The following LRP1B variants were observed in gnomAD, a reference collection of about 807,000 sequenced individuals.
LRP1B encodes the protein LDL receptor related protein 1B.
LRP1B carries 217 observed loss-of-function variants against 556.6 expected under a neutral mutation model. That is an observed-to-expected ratio of 0.39 (90% confidence interval 0.35 to 0.44). The LOEUF (loss-of-function observed/expected upper bound fraction) is 0.44. Among genes scored for constraint, LRP1B ranks in the 20% least tolerant of loss-of-function variants. LRP1B has a pLI of 1.00. For synonymous variants in LRP1B, 2,047 were observed against 1,865.8 expected (o/e 1.10, Z -2.50); for missense variants, 5,053 against 5,620.8 (o/e 0.90, Z 3.23).
chr2:140,375,972 TGA>T (rs2105178219), intron 68 of LRP1B, among the ~76,000 whole-genome samples: 1 of 152,204 alleles, frequency 6.6e-6, no homozygotes, highest in African/African-American at 2.4e-5. Context: ...ATTCTTAATG[TGA>T]GAGTATTCTG....
At chr2:140,733,685 GA>G (rs1169169179) in intron 35 of LRP1B, among the ~76,000 whole-genome samples, 1 of 152,140 alleles carries the variant, frequency 6.6e-6, no homozygotes, top group Admixed American at 6.6e-5. Context: ...TGATAAAAAT[GA>G]GATTAGTGAT....
At chr2:141,390,963 A>G (rs1690028669) in intron 3 of LRP1B, among the ~76,000 whole-genome samples, 1 of 152,208 alleles carries the variant, frequency 6.6e-6, no homozygotes. Flanking sequence ...AGCAGAATAG[A>G]GCAAATCATA....
intron 1 of LRP1B, among the ~76,000 whole-genome samples, chr2:142,016,507 G>GTACT (rs1703134749): frequency 6.6e-6 from 1 of 152,098 alleles, no homozygotes; most frequent in Non-Finnish European, 1.5e-5. Flanking sequence ...CATAAAAAAG[G>GTACT]ATGAGTTCAT....
intron 7 of LRP1B, among the ~76,000 whole-genome samples, chr2:141,140,350 A>G (rs1487338104): frequency 6.6e-6 from 1 of 152,148 alleles, no homozygotes; most frequent in Non-Finnish European, 1.5e-5. Context: ...AAATCAGAAT[A>G]AAAGAAATCT....
At position 141,518,990 on chromosome 2, in the gene LRP1B, G is replaced by A. The variant is rs180734375; in HGVS notation, c.206-38457C>T. Among the ~76,000 whole-genome samples the A allele has an allele frequency of 1.9e-3, 284 of 150,916 alleles. 3 individuals carry two copies. The highest frequency in any genetic ancestry group is 6.7e-3 in the African/African-American group (276 of 41,078). On this transcript the variant is annotated intron_variant, in intron 2 of 90. Coordinates refer to ENST00000389484, the MANE Select transcript of LRP1B (RefSeq NM_018557.3). Reference sequence around the variant, plus strand: ...AAAATAGGAGAGAGAAAGAGGATGTGGGGAGAGAGAGACATTTCCATTGCA... The same window carrying A: ...AAAATAGGAGAGAGAAAGAGGATGTAGGGAGAGAGAGACATTTCCATTGCA...
intron 1 of LRP1B, among the ~76,000 whole-genome samples, chr2:141,921,252 C>A (rs578247138): frequency 2.0e-5 from 3 of 151,972 alleles, no homozygotes; most frequent in Non-Finnish European, 4.4e-5. Flanking sequence ...GAGTAATTCA[C>A]ACTTGTCTTG....
chr2:141,024,474 C>T (rs577456286), intron 11 of LRP1B, among the ~76,000 whole-genome samples: 21 of 152,112 alleles, frequency 1.4e-4, no homozygotes, highest in African/African-American at 4.8e-4. Context: ...AACTGTCACT[C>T]TCAATGGGTC....
At position 141,502,865 on chromosome 2, in the gene LRP1B, A is replaced by AT. The variant is rs965437273; in HGVS notation, c.206-22333_206-22332insA. On this transcript the variant is annotated intron_variant, in intron 2 of 90. Transcript: ENST00000389484. ...AGAGGGAGACCCCGTCTCAAAAAAT[A>AT]AAAAATAAATAAAAATAAAAATTAA... 4.6e-5 allele frequency among the ~76,000 whole-genome samples: 6 copies of AT among 130,430 alleles called. 1 individual carries two copies. The highest frequency in any genetic ancestry group is 3.7e-4 in the Admixed American group (5 of 13,556). The allele number at this position is 130,430 out of a possible 152,430, so 85.6% of individuals were successfully genotyped here.
At chr2:140,507,026 C>G (rs1476892343) in intron 52 of LRP1B, 108 bp from the exon 53 acceptor site, 1 of 1,203,888 alleles carries the variant, frequency 8.3e-7, no homozygotes, top group Non-Finnish European at 1.1e-6. Flanking sequence ...TTCATAGTTA[C>G]TGAGAAAAAG....
intron 46 of LRP1B, among the ~76,000 whole-genome samples, chr2:140,535,007 T>C (rs1690886497): frequency 6.6e-6 from 1 of 152,180 alleles, no homozygotes; most frequent in Admixed American, 6.6e-5. Flanking sequence ...ACACCTGGCA[T>C]TGGCAAACTA....
At chr2:140,556,735 T>A (rs77113804) in intron 43 of LRP1B, among the ~76,000 whole-genome samples, 18 of 149,630 alleles carry the variant, frequency 1.2e-4, no homozygotes, top group East Asian at 7.9e-4. Flanking sequence ...CAAACAAATT[T>A]AAAAAAAAAA....
chr2:141,316,327 G>A (rs1356338495), intron 3 of LRP1B, among the ~76,000 whole-genome samples: 1 of 152,156 alleles, frequency 6.6e-6, no homozygotes, highest in African/African-American at 2.4e-5. Flanking sequence ...TTATTGCAAT[G>A]AGAAAGTTCC....
intron 7 of LRP1B, among the ~76,000 whole-genome samples, chr2:141,184,517 A>C (rs1681153205): frequency 6.6e-6 from 1 of 151,964 alleles, no homozygotes; most frequent in Middle Eastern, 3.4e-3. Flanking sequence ...GGCCTCACTA[A>C]GTTTCCCCCA....
chr2:141,419,005 G>T (rs762075033), intron 3 of LRP1B, among the ~76,000 whole-genome samples: 8 of 151,644 alleles, frequency 5.3e-5, no homozygotes, highest in African/African-American at 9.7e-5. Flanking sequence ...TTTTCTTATT[G>T]AATATTACTT....
At chr2:140,993,459 G>A (rs1167775188) in intron 16 of LRP1B, among the ~76,000 whole-genome samples, 4 of 151,974 alleles carry the variant, frequency 2.6e-5, no homozygotes, top group Non-Finnish European at 5.9e-5. Flanking sequence ...AGAAGCCAAA[G>A]AGGGGAAAGT....
chr2:140,291,937 G>T (rs916221714), intron 84 of LRP1B, among the ~76,000 whole-genome samples: 7 of 152,156 alleles, frequency 4.6e-5, no homozygotes, highest in Middle Eastern at 3.2e-3. Context: ...CAGTGTAAAA[G>T]TGTTCCTATT....
At chr2:140,887,741 A>T (rs899246309) in intron 23 of LRP1B, among the ~76,000 whole-genome samples, 3 of 152,196 alleles carry the variant, frequency 2.0e-5, no homozygotes, top group Non-Finnish European at 2.9e-5. Flanking sequence ...GAAAAGAATT[A>T]CTTGTGTATG....
chr2:140,924,689 T>C (rs1694837179), intron 20 of LRP1B, among the ~76,000 whole-genome samples: 1 of 152,144 alleles, frequency 6.6e-6, no homozygotes, highest in African/African-American at 2.4e-5. Flanking sequence ...GTTTTGGCTT[T>C]CTTTAAATCC....
intron 2 of LRP1B, among the ~76,000 whole-genome samples, chr2:141,676,419 C>A (rs1318152603): frequency 6.6e-6 from 1 of 152,100 alleles, no homozygotes; most frequent in Non-Finnish European, 1.5e-5. Context: ...TAGGTGCCTT[C>A]GAGAATAGCT....
Sources: allele counts gnomAD v4.1 joint callset (sites outside exome capture counted in the v4.1 genomes callset), GRCh38; gene constraint gnomAD v4.1.1; transcripts MANE v1.5; gene names NCBI Gene and HGNC (gene_info 2026-07-23, HGNC 2026-07-21).